The following PIK3CB variants were observed in gnomAD, a reference collection of about 807,000 sequenced individuals.
PIK3CB encodes the protein phosphatidylinositol 4,5-bisphosphate 3-kinase catalytic subunit beta isoform.
In PIK3CB, 39 loss-of-function variants were observed where a neutral mutation model predicts 136.8. The ratio of observed to expected loss-of-function variants is 0.29; its 90% CI spans 0.22 to 0.37. The LOEUF is 0.37. Among genes scored for constraint, PIK3CB ranks in the 10% least tolerant of loss-of-function variants. The pLI, the probability that PIK3CB is intolerant of heterozygous loss-of-function variation, is 1.00. For missense variants in PIK3CB, 868 were observed against 1,275.4 expected, an observed-to-expected ratio of 0.68 and a Z score of 4.87; for synonymous variants, 428 against 436.6, an observed-to-expected ratio of 0.98 and a Z score of 0.25.
Position 138,714,486 on chromosome 3 carries a change from G to A in PIK3CB, c.1284C>T (p.Ile428=). The A allele has an allele frequency of 6.2e-7, 1 of 1,608,206 alleles. No individual in the cohort carries two copies. The highest frequency in any genetic ancestry group is 8.5e-7 in the Non-Finnish European group (1 of 1,175,888). Residue 428 remains isoleucine, a synonymous_variant, in exon 9 of 24, where the codon ATC becomes ATT. Transcript: ENST00000674063. ...KTINPSKYQT[I]RKAGKVHYPV... The stretch of plus-strand genomic sequence containing the variant: ...TCATTACCACTTTTCCAGCTTTCCT[G>A]ATGGTCTGATATTTAGAGGGATTAA...
chr3:138,658,469 A>ACAAC (rs1003871618), intron 21 of PIK3CB, among the ~76,000 whole-genome samples: 2 of 152,024 alleles, frequency 1.3e-5, no homozygotes, highest in African/African-American at 4.8e-5. Flanking sequence ...AACAACAACA[A>ACAAC]AAAAGTACAT....
chr3:138,721,167 GT>G (rs34357500), intron 8 of PIK3CB, among the ~76,000 whole-genome samples: 3,573 of 146,390 alleles, frequency 0.024, 137 homozygotes, highest in African/African-American at 0.084. Flanking sequence ...ATATCCTTAA[GT>G]TTTTTTTTTT....
intron 2 of PIK3CB, among the ~76,000 whole-genome samples, chr3:138,761,453 T>C (rs994665931): frequency 3.3e-5 from 5 of 152,208 alleles, no homozygotes; most frequent in African/African-American, 1.2e-4. Context: ...CCAAATCCAA[T>C]GTTAGCTGGA....
intron 16 of PIK3CB, among the ~76,000 whole-genome samples, chr3:138,685,338 G>C (rs771078860): frequency 7.8e-6 from 1 of 128,302 alleles, no homozygotes; most frequent in East Asian, 2.7e-4. Flanking sequence ...AGGTTGCAGT[G>C]AGCCAAGATT....
intron 19 of PIK3CB, among the ~76,000 whole-genome samples, chr3:138,679,381 G>C (rs965719595): frequency 2.0e-5 from 3 of 151,896 alleles, no homozygotes; most frequent in African/African-American, 7.2e-5. Flanking sequence ...GGATAGTCTT[G>C]AACTCCCGGG....
intron 8 of PIK3CB, among the ~76,000 whole-genome samples, chr3:138,726,371 AACTATGCTAAAC>A (rs1280530839): frequency 6.6e-6 from 1 of 152,166 alleles, no homozygotes; most frequent in East Asian, 1.9e-4. Context: ...CACTTCCTGC[AACTATGCTAAAC>A]ACTAGGGGGG....
rs770363808 is a variant in PIK3CB at position 138,759,205 on chromosome 3, G to C, written c.139C>G (p.Pro47Ala). 13 of 1,609,692 alleles carry C rather than the reference G, an allele frequency of 8.1e-6. No homozygotes were observed. The highest frequency in any genetic ancestry group is 5.0e-5 in the Admixed American group (3 of 59,914). Residue 47 changes from proline (P) to alanine (A), a missense_variant, in exon 3 of 24, where the codon CCT (proline) becomes GCT (alanine). Physicochemically the swap from Pro to Ala is conservative, Grantham distance 27 (BLOSUM62 -1). Transcript: ENST00000674063. ...PTGIYIQLEV[P>A]REATISYIKQ... ...ATATAAGAAATGGTAGCTTCCCGAGGTACCTCCAACTGGATATAAATCCCA... is the reference window on the plus strand; with the variant it reads ...ATATAAGAAATGGTAGCTTCCCGAGCTACCTCCAACTGGATATAAATCCCA...
rs761943306 is a variant in PIK3CB at position 138,688,878 on chromosome 3, C to T, written c.2133G>A (p.Lys711=). 1.9e-6 allele frequency: 3 copies of T among 1,603,690 alleles called. No homozygotes were observed. Among genetic ancestry groups the T allele is most frequent in the Non-Finnish European group, 1.7e-6 (2 of 1,170,694 alleles). The change falls in exon 16 of 24, where the codon AAG becomes AAA. Residue 711 remains lysine, a synonymous_variant. Coordinates refer to ENST00000674063, the MANE Select transcript of PIK3CB (RefSeq NM_006219.3). ...GSVGHMKVLS[K]QVEALNKLKT... ...AATAAATAAAACAAGCTGATACCTGCTTAGAAAGCACTTTCATGTGCCCCA... is the reference window on the plus strand; with the variant it reads ...AATAAATAAAACAAGCTGATACCTGTTTAGAAAGCACTTTCATGTGCCCCA...
intron 11 of PIK3CB, 87 bp from the exon 12 acceptor site, chr3:138,704,580 C>T: frequency 7.1e-6 from 6 of 846,424 alleles, no homozygotes; most frequent in Admixed American, 5.4e-5. Flanking sequence ...ACTTAGACTA[C>T]ATAAGATCTG....
chr3:138,758,886 G>T (rs752302800), intron 3 of PIK3CB, among the ~76,000 whole-genome samples: 26 of 152,020 alleles, frequency 1.7e-4, no homozygotes, highest in Non-Finnish European at 3.1e-4. Flanking sequence ...GGGAAGAGAA[G>T]AAAAAGGAGA....
In PIK3CB at chr3:138,656,156, T is replaced by C; in HGVS notation, c.3061A>G (p.Ile1021Val). The C allele has an allele frequency of 6.2e-7, 1 of 1,614,164 alleles. No individual in the cohort carries two copies. Among genetic ancestry groups the C allele is most frequent in the African/African-American group, 1.3e-5 (1 of 75,052 alleles). Residue 1021 changes from isoleucine to valine, a missense_variant, in exon 23 of 24, where the codon ATA becomes GTA. Ile to Val is a conservative substitution (Grantham distance 29). Coordinates refer to ENST00000674063, the MANE Select transcript of PIK3CB (RefSeq NM_006219.3). The stretch of plus-strand genomic sequence containing the variant: ...TGGTTTTATACCTTAAGATACTGTA[T>C]ATCTTTGACTGATGTGAGTTCAGGA... ...GLPELTSVKDIQYLKDSLALG... is the reference protein window; with the variant it reads ...GLPELTSVKDVQYLKDSLALG...
chr3:138,657,605 A>G, intron 22 of PIK3CB, 85 bp downstream of exon 22: 1 of 1,193,948 alleles, frequency 8.4e-7, no homozygotes, highest in African/African-American at 1.5e-5. Flanking sequence ...AGATCCAAAT[A>G]TATCTCAGCT....
chr3:138,759,364 A>C lies in PIK3CB; in HGVS notation c.-16-5T>G, dbSNP rs1346229473. 6.3e-7 allele frequency: 1 copy of C among 1,584,458 alleles called. No individual in the cohort carries two copies. Among genetic ancestry groups the C allele is most frequent in the Admixed American group, 1.7e-5 (1 of 58,138 alleles). On this transcript the variant is annotated splice_region_variant and splice_polypyrimidine_tract_variant and intron_variant, in intron 2 of 23. Transcript: ENST00000674063. ...CACATTCATAACCACGGGGCCCTAG[A>C]AATCAGTAATTAAAACATAGCAAAA...
chr3:138,798,241 T>G (rs1559882801), intron 1 of PIK3CB, among the ~76,000 whole-genome samples: 1 of 152,168 alleles, frequency 6.6e-6, no homozygotes, highest in East Asian at 1.9e-4. Context: ...AGCAGCTCAC[T>G]GCACCCTAGA....
At chr3:138,808,539 G>A (rs2046258830) in intron 1 of PIK3CB, among the ~76,000 whole-genome samples, 1 of 151,998 alleles carries the variant, frequency 6.6e-6, no homozygotes, top group Non-Finnish European at 1.5e-5. Context: ...TACAGAGCCA[G>A]GTGTGGGAAT....
At chr3:138,681,462 T>C (rs2043780357) in intron 19 of PIK3CB, among the ~76,000 whole-genome samples, 1 of 152,218 alleles carries the variant, frequency 6.6e-6, no homozygotes, top group Non-Finnish European at 1.5e-5. Flanking sequence ...ATTCCCAGTC[T>C]GAGGCTTGAT....
intron 5 of PIK3CB, among the ~76,000 whole-genome samples, chr3:138,740,381 CA>C (rs1320786398): frequency 6.6e-6 from 1 of 152,060 alleles, no homozygotes; most frequent in African/African-American, 2.4e-5. Flanking sequence ...ACAAAACAAA[CA>C]AAAAACCCTA....
At chr3:138,685,396 C>CAAAAAAAAAAAAAAAAAAAAAAAAA (rs398052626) in intron 16 of PIK3CB, among the ~76,000 whole-genome samples, 13 of 58,352 alleles carry the variant, frequency 2.2e-4, no homozygotes, top group African/African-American at 9.9e-4. Flanking sequence ...GAAACTGTCT[C>CAAAAAAAAAAAAAAAAAAAAAAAAA]AAAAAAAAAA....
intron 4 of PIK3CB, among the ~76,000 whole-genome samples, chr3:138,755,337 T>A (rs2045545589): frequency 6.6e-6 from 1 of 152,168 alleles, no homozygotes; most frequent in Admixed American, 6.6e-5. Context: ...AAGATCAATA[T>A]TTTTGTAAAA....
Sources: gnomAD v4.1 joint callset for allele counts (sites outside exome capture counted in the v4.1 genomes callset) on GRCh38, gnomAD v4.1.1 for gene constraint, MANE v1.5 for transcripts, NCBI Gene and HGNC (gene_info 2026-07-23, HGNC 2026-07-21) for gene names.